Variants in KCNH8 observed in about 807,000 individuals in gnomAD.
The protein encoded by KCNH8 is voltage-gated delayed rectifier potassium channel KCNH8.
KCNH8 carries 70 observed loss-of-function variants against 103.6 expected under a neutral mutation model. That is an observed-to-expected ratio of 0.68 (90% CI 0.56 to 0.82). KCNH8 has a LOEUF of 0.82. Ranked by LOEUF, KCNH8 falls within the 40% of genes least tolerant of loss-of-function variation. The pLI is 0.00. For missense variants in KCNH8, 1,217 were observed against 1,329.9 expected (o/e 0.92, Z 1.32); for synonymous variants, 498 against 489.4 (o/e 1.02, Z -0.23).
At chr3:19,519,542 C>A (rs1311615291) in intron 15 of KCNH8, among the ~76,000 whole-genome samples, 3 of 150,538 alleles carry the variant, frequency 2.0e-5, no homozygotes, top group East Asian at 2.0e-4. Context: ...AGCCGAAGGA[C>A]CGACTAACAA....
At chr3:19,408,827 A>G (rs1222300591) in intron 7 of KCNH8, among the ~76,000 whole-genome samples, 1 of 152,152 alleles carries the variant, frequency 6.6e-6, no homozygotes. Context: ...GAAAAAAAGA[A>G]TTTTAAAAAA....
chr3:19,516,592 G>C (rs2068878069), intron 14 of KCNH8, among the ~76,000 whole-genome samples: 1 of 151,974 alleles, frequency 6.6e-6, no homozygotes, highest in Non-Finnish European at 1.5e-5. Flanking sequence ...TTCAACTAGA[G>C]ACAGTGCACA....
chr3:19,440,986 A>G (rs947362528), intron 8 of KCNH8, among the ~76,000 whole-genome samples: 3 of 152,028 alleles, frequency 2.0e-5, no homozygotes, highest in African/African-American at 7.2e-5. Flanking sequence ...TCGCTAGCTG[A>G]CCTCAGTTGC....
At position 19,175,878 on chromosome 3, in the gene KCNH8, ATTT is replaced by A. The variant is rs540302374; in HGVS notation, c.76+27084_76+27086del. ...AGGGGCTAAAAAAGATCTGTGAGCT[ATTT>A]ATATTTAGATTTGAATACAAGTCCA... On this transcript the variant is annotated intron_variant, in intron 1 of 15. Transcript: ENST00000328405. 1.1e-4 allele frequency among the ~76,000 whole-genome samples: 17 copies of A among 152,268 alleles called. No individual in the cohort carries two copies. The South Asian group carries it at 3.5e-3, about 32-fold the overall frequency.
At chr3:19,209,360 C>A (rs1306680796) in intron 1 of KCNH8, among the ~76,000 whole-genome samples, 2 of 152,026 alleles carry the variant, frequency 1.3e-5, no homozygotes, top group African/African-American at 2.4e-5. Flanking sequence ...ATGATTTCTA[C>A]TTCTTGAGGA....
At chr3:19,351,975 C>T (rs1258505767) in intron 5 of KCNH8, among the ~76,000 whole-genome samples, 1 of 152,094 alleles carries the variant, frequency 6.6e-6, no homozygotes, top group Non-Finnish European at 1.5e-5. Context: ...CATCAGTGTG[C>T]TGTATTCAGG....
chr3:19,473,235 A>G (rs1049481770), intron 11 of KCNH8, among the ~76,000 whole-genome samples: 1 of 152,252 alleles, frequency 6.6e-6, no homozygotes, highest in African/African-American at 2.4e-5. Context: ...CATAAGCTAT[A>G]CTGAATTTCT....
At chr3:19,492,670 T>A (rs1159901150) in intron 11 of KCNH8, among the ~76,000 whole-genome samples, 2 of 152,168 alleles carry the variant, frequency 1.3e-5, no homozygotes, top group Non-Finnish European at 2.9e-5. Flanking sequence ...TTGGGCTCTT[T>A]TTTTGGTTCC....
intron 1 of KCNH8, among the ~76,000 whole-genome samples, chr3:19,159,421 A>G (rs187066840): frequency 6.6e-6 from 1 of 152,102 alleles, no homozygotes; most frequent in Non-Finnish European, 1.5e-5. Context: ...TTGGACGTGT[A>G]TATTATTTGA....
intron 1 of KCNH8, among the ~76,000 whole-genome samples, chr3:19,170,992 T>C (rs896460694): frequency 6.6e-6 from 1 of 151,552 alleles, no homozygotes; most frequent in Non-Finnish European, 1.5e-5. Context: ...TTTGTATTTT[T>C]AGTAGAGACG....
intron 3 of KCNH8, among the ~76,000 whole-genome samples, chr3:19,314,365 G>A (rs1368331094): frequency 1.3e-5 from 2 of 151,822 alleles, no homozygotes; most frequent in African/African-American, 2.4e-5. Flanking sequence ...TTGGGCCCAG[G>A]AGATTGAAAG....
chr3:19,191,173 C>G (rs1278707749), intron 1 of KCNH8, among the ~76,000 whole-genome samples: 2 of 151,664 alleles, frequency 1.3e-5, no homozygotes, highest in Non-Finnish European at 3.0e-5. Context: ...TATGTGTGTA[C>G]TTCCACAAGA....
chr3:19,204,421 G>C (rs2063693363), intron 1 of KCNH8, among the ~76,000 whole-genome samples: 2 of 150,334 alleles, frequency 1.3e-5, no homozygotes, highest in Non-Finnish European at 1.5e-5. Context: ...GGGAGTGGGG[G>C]AAGAGAGAGA....
intron 1 of KCNH8, among the ~76,000 whole-genome samples, chr3:19,241,652 A>G (rs1232706870): frequency 6.6e-6 from 1 of 152,222 alleles, no homozygotes; most frequent in South Asian, 2.1e-4. Context: ...TGTATTGACA[A>G]CATTGCCTTG....
intron 11 of KCNH8, among the ~76,000 whole-genome samples, chr3:19,479,518 AG>A (rs1236517495): frequency 2.0e-5 from 3 of 152,146 alleles, no homozygotes; most frequent in East Asian, 3.9e-4. Flanking sequence ...GTGAAATGTC[AG>A]ATTTGTTTAC....
intron 1 of KCNH8, among the ~76,000 whole-genome samples, chr3:19,228,182 A>G (rs2063953707): frequency 6.6e-6 from 1 of 152,214 alleles, no homozygotes; most frequent in Non-Finnish European, 1.5e-5. Context: ...TAAGAACAAT[A>G]GTTATATTAA....
chr3:19,238,554 G>C (rs536767873), intron 1 of KCNH8, among the ~76,000 whole-genome samples: 117 of 152,294 alleles, frequency 7.7e-4, no homozygotes, highest in African/African-American at 2.7e-3. Context: ...ATAACCGCAT[G>C]CTGAGGAAAT....
At chr3:19,194,145 G>A (rs114618712) in intron 1 of KCNH8, among the ~76,000 whole-genome samples, 2,776 of 151,504 alleles carry the variant, frequency 0.018, 81 homozygotes, top group African/African-American at 0.063. Context: ...AATTCTGCTG[G>A]AGAAATTGCT....
At chr3:19,291,907 C>T (rs1347988854) in intron 3 of KCNH8, among the ~76,000 whole-genome samples, 1 of 152,190 alleles carries the variant, frequency 6.6e-6, no homozygotes, top group African/African-American at 2.4e-5. Flanking sequence ...TTGCCTTAAA[C>T]ATAATAGAAA....
Sources: allele counts gnomAD v4.1 joint callset (sites outside exome capture counted in the v4.1 genomes callset), GRCh38; gene constraint gnomAD v4.1.1; transcripts MANE v1.5; gene names NCBI Gene and HGNC (gene_info 2026-07-23, HGNC 2026-07-21).